The following FAM185A variants were observed in gnomAD, a reference collection of about 807,000 sequenced individuals.
The protein encoded by FAM185A is family with sequence similarity 185 member A, also known as protein FAM185A.
A neutral mutation model predicts 45.7 loss-of-function variants in FAM185A; 21 were observed. The observed-to-expected ratio is 0.46, with a 90% CI of 0.33 to 0.66. FAM185A has a LOEUF of 0.66. FAM185A is among the 30% of genes least tolerant of loss of function. The pLI is 0.03. For missense variants in FAM185A, 305 were observed against 485.4 expected (o/e 0.63, Z 3.49); for synonymous variants, 117 against 194.0 (o/e 0.60, Z 3.30).
the FAM185A span, among the ~76,000 whole-genome samples, chr7:102,847,150 A>T: frequency 6.6e-6 from 1 of 151,908 alleles, no homozygotes; most frequent in Admixed American, 6.6e-5. Context: ...TGCGACAGAG[A>T]CTGTATGGCC....
chr7:102,835,229 T>A, the FAM185A span, among the ~76,000 whole-genome samples: 1 of 152,210 alleles, frequency 6.6e-6, no homozygotes, highest in Non-Finnish European at 1.5e-5. Context: ...CATGAAAGTC[T>A]GTCTTGTCTG....
downstream of FAM185A, among the ~76,000 whole-genome samples, chr7:102,811,056 G>T (rs1453213834): frequency 1.3e-5 from 2 of 152,186 alleles, no homozygotes; most frequent in African/African-American, 4.8e-5. Flanking sequence ...TGGTATGGTT[G>T]TGGTGTGTTA....
the FAM185A span, among the ~76,000 whole-genome samples, chr7:102,828,882 G>A: frequency 2.6e-5 from 4 of 152,148 alleles, no homozygotes; most frequent in Non-Finnish European, 5.9e-5. Context: ...CTTCTCAGAT[G>A]TACTTCACCT....
chr7:102,834,878 A>ATGTGTGTGTG, the FAM185A span, among the ~76,000 whole-genome samples: 1 of 147,056 alleles, frequency 6.8e-6, no homozygotes, highest in Admixed American at 6.8e-5. Context: ...CCATTCCACA[A>ATGTGTGTGTG]TGTGTGTGTG....
the FAM185A span, among the ~76,000 whole-genome samples, chr7:102,831,184 T>C: frequency 6.6e-6 from 1 of 152,136 alleles, no homozygotes; most frequent in Non-Finnish European, 1.5e-5. Context: ...AAAAAGTGCT[T>C]GAATATCTCT....
the FAM185A span, among the ~76,000 whole-genome samples, chr7:102,830,743 C>T: frequency 6.6e-6 from 1 of 152,136 alleles, no homozygotes; most frequent in Non-Finnish European, 1.5e-5. Context: ...TGGTGTGATG[C>T]TGTAGTAAAC....
chr7:102,808,610 A>G lies in FAM185A; in HGVS notation c.*208A>G. 1.9e-6 allele frequency: 1 copy of G among 535,898 alleles called. No individual in the cohort carries two copies. Among genetic ancestry groups the G allele is most frequent in the East Asian group, 3.2e-5 (1 of 31,446 alleles). The allele number at this position is 535,898 out of a possible 1,614,324, so 33.2% of individuals were successfully genotyped here. On this transcript the variant is annotated 3_prime_UTR_variant, in exon 8 of 8. Coordinates refer to ENST00000413034, the MANE Select transcript of FAM185A (RefSeq NM_001145268.2). ...TGTAACAAATTACCACAAATTTAGC[A>G]GCATAAAATAATACTCATTTACAGC...
chr7:102,825,435 GC>G, the FAM185A span, among the ~76,000 whole-genome samples: 1 of 152,172 alleles, frequency 6.6e-6, no homozygotes, highest in Non-Finnish European at 1.5e-5. Context: ...GAGAGTCCTT[GC>G]CAGCAAGAAG....
intron 7 of FAM185A, among the ~76,000 whole-genome samples, chr7:102,796,536 T>A (rs373886376): frequency 6.6e-6 from 1 of 152,256 alleles, no homozygotes; most frequent in African/African-American, 2.4e-5. Context: ...AAAAGTTAGT[T>A]CAGCCTGTAC....
At chr7:102,839,178 G>C in the FAM185A span, among the ~76,000 whole-genome samples, 2 of 152,192 alleles carry the variant, frequency 1.3e-5, no homozygotes, top group African/African-American at 4.8e-5. Context: ...GCAAAAATCT[G>C]GCTTACGTGC....
the FAM185A span, among the ~76,000 whole-genome samples, chr7:102,834,098 G>GAA: frequency 1.1e-5 from 1 of 93,912 alleles, no homozygotes; most frequent in Non-Finnish European, 2.1e-5. Flanking sequence ...AAGAAAGAAA[G>GAA]AAAGAAAGAA....
intron 7 of FAM185A, among the ~76,000 whole-genome samples, chr7:102,799,446 C>T (rs1407857317): frequency 1.3e-5 from 2 of 152,196 alleles, no homozygotes; most frequent in Non-Finnish European, 2.9e-5. Flanking sequence ...AGAAAAGCAC[C>T]TGACAAAAAG....
the FAM185A span, among the ~76,000 whole-genome samples, chr7:102,844,090 T>C: frequency 2.6e-4 from 39 of 152,328 alleles, 1 homozygote; most frequent in East Asian, 7.1e-3. Flanking sequence ...GCTGAACCAC[T>C]ACCACAGACT....
At chr7:102,835,954 G>C in the FAM185A span, among the ~76,000 whole-genome samples, 2 of 152,122 alleles carry the variant, frequency 1.3e-5, no homozygotes, top group African/African-American at 4.8e-5. Context: ...TTGTTAGAGA[G>C]AATGGACAGA....
At chr7:102,797,355 C>G (rs1030143870) in intron 7 of FAM185A, among the ~76,000 whole-genome samples, 3 of 151,150 alleles carry the variant, frequency 2.0e-5, no homozygotes, top group Non-Finnish European at 4.4e-5. Context: ...CCCAGCTACT[C>G]GGGAGGCTGA....
At chr7:102,780,093 A>C (rs1183466857) in intron 6 of FAM185A, among the ~76,000 whole-genome samples, 1 of 152,038 alleles carries the variant, frequency 6.6e-6, no homozygotes, top group African/African-American at 2.4e-5. Flanking sequence ...ACAGTTTGTC[A>C]TGCTTATCTC....
chr7:102,822,431 T>C, the FAM185A span: 522 of 650,168 alleles, frequency 8.0e-4, no homozygotes, highest in Non-Finnish European at 1.1e-3. Flanking sequence ...GATGCCTCCA[T>C]TCTTGCTATC....
Position 102,808,406 on chromosome 7 carries a change from T to A in FAM185A, c.*4T>A. ...GTCCCTGAAACTGCAGGACTAAAACTGATTTGAGTTGGATTTATGATTTTT... is the reference window on the plus strand; with the variant it reads ...GTCCCTGAAACTGCAGGACTAAAACAGATTTGAGTTGGATTTATGATTTTT... On this transcript the variant is annotated 3_prime_UTR_variant, in exon 8 of 8. Coordinates refer to ENST00000413034, the MANE Select transcript of FAM185A (RefSeq NM_001145268.2). 1 of 1,452,220 alleles carries A rather than the reference T, an allele frequency of 6.9e-7. No individual in the cohort carries two copies. The highest frequency in any genetic ancestry group is 9.5e-7 in the Non-Finnish European group (1 of 1,056,778). The allele number at this position is 1,452,220 out of a possible 1,614,324, so 90.0% of individuals were successfully genotyped here.
chr7:102,778,858 G>A (rs1390240490), intron 6 of FAM185A, among the ~76,000 whole-genome samples: 1 of 152,128 alleles, frequency 6.6e-6, no homozygotes, highest in African/African-American at 2.4e-5. Context: ...TTAATCGTTC[G>A]CAAAGACATC....
Sources: gnomAD v4.1 joint callset for allele counts (sites outside exome capture counted in the v4.1 genomes callset) on GRCh38, gnomAD v4.1.1 for gene constraint, MANE v1.5 for transcripts, NCBI Gene and HGNC (gene_info 2026-07-23, HGNC 2026-07-21) for gene names.